Variants in PDZD2 observed in about 807,000 individuals in gnomAD.
PDZD2 encodes PDZ domain containing 2, also known as PDZ domain-containing protein 2.
In PDZD2, 90 loss-of-function variants were observed where a neutral mutation model predicts 220.7. That is an observed-to-expected ratio of 0.41 (90% CI 0.34 to 0.49). PDZD2 has a LOEUF of 0.49. Among genes scored for constraint, PDZD2 ranks in the 20% least tolerant of loss-of-function variants. The pLI is 0.28. For synonymous variants in PDZD2, 1,375 were observed against 1,450.5 expected, an observed-to-expected ratio of 0.95 and a Z score of 1.18; for missense variants, 3,174 against 3,608.5, an observed-to-expected ratio of 0.88 and a Z score of 3.08.
intron 6 of PDZD2, among the ~76,000 whole-genome samples, chr5:32,018,186 C>T (rs1753918613): frequency 6.6e-6 from 1 of 152,166 alleles, no homozygotes; most frequent in East Asian, 1.9e-4. Flanking sequence ...CTCCTGCATC[C>T]GGCTCATGTG....
At chr5:31,924,773 T>TA (rs1240923891) in intron 2 of PDZD2, among the ~76,000 whole-genome samples, 1 of 152,240 alleles carries the variant, frequency 6.6e-6, no homozygotes, top group Non-Finnish European at 1.5e-5. Context: ...ATTGATTTCT[T>TA]AGAGCTCCCA....
intron 1 of PDZD2, among the ~76,000 whole-genome samples, chr5:31,662,881 T>C (rs1469254044): frequency 2.8e-4 from 43 of 152,310 alleles, no homozygotes; most frequent in South Asian, 1.2e-3. Flanking sequence ...CCACCCGCTG[T>C]GGCCTCCCAA....
intron 1 of PDZD2, among the ~76,000 whole-genome samples, chr5:31,681,606 CGTAT>C (rs930616426): frequency 7.9e-5 from 12 of 151,720 alleles, no homozygotes; most frequent in African/African-American, 2.7e-4. Flanking sequence ...ATAATATGTG[CGTAT>C]GTGTCTATGT....
In PDZD2 at chr5:31,917,773, C is replaced by T. The variant is rs149722765; in HGVS notation, c.477-65382C>T. ...TTTTATTTTTTAGAGACAGAGTCTT[C>T]GCTCTGTCGCCCAGGCTGGAGTGCA... is the stretch of plus-strand genomic sequence containing the variant. On this transcript the variant is annotated intron_variant, in intron 2 of 24. Coordinates refer to ENST00000438447, the MANE Select transcript of PDZD2 (RefSeq NM_178140.4). Among the ~76,000 whole-genome samples, 592 of 152,194 alleles carry T rather than the reference C, an allele frequency of 3.9e-3. 3 individuals carry two copies. The highest frequency in any genetic ancestry group is 0.013 in the African/African-American group (542 of 41,528).
At chr5:32,033,870 C>T (rs1401504718) in intron 6 of PDZD2, among the ~76,000 whole-genome samples, 1 of 152,124 alleles carries the variant, frequency 6.6e-6, no homozygotes, top group Admixed American at 6.5e-5. Context: ...CTGCCCACCT[C>T]GGCCTTCCAG....
At chr5:31,891,388 C>T (rs1235941636) in intron 2 of PDZD2, among the ~76,000 whole-genome samples, 1 of 151,966 alleles carries the variant, frequency 6.6e-6, no homozygotes, top group Non-Finnish European at 1.5e-5. Context: ...ATGGTCTCGG[C>T]TCACCGCAAC....
chr5:32,086,505 G>C (rs972580957), intron 19 of PDZD2, among the ~76,000 whole-genome samples: 1 of 152,154 alleles, frequency 6.6e-6, no homozygotes, highest in African/African-American at 2.4e-5. Context: ...CCAAAAGAGA[G>C]AAAAATGGGC....
chr5:31,716,523 C>A (rs1748453299), intron 1 of PDZD2, among the ~76,000 whole-genome samples: 2 of 152,158 alleles, frequency 1.3e-5, no homozygotes, highest in Admixed American at 6.5e-5. Context: ...TTGTTGTAGG[C>A]CAGGCGCGGT....
intron 2 of PDZD2, among the ~76,000 whole-genome samples, chr5:31,857,960 G>C (rs185629870): frequency 6.6e-6 from 1 of 151,984 alleles, no homozygotes; most frequent in Non-Finnish European, 1.5e-5. Flanking sequence ...CGAGTAATTC[G>C]GACTACAGGC....
intron 2 of PDZD2, among the ~76,000 whole-genome samples, chr5:31,873,152 A>G (rs1297503407): frequency 6.6e-6 from 1 of 152,090 alleles, no homozygotes; most frequent in Non-Finnish European, 1.5e-5. Flanking sequence ...CCTGAGAGCA[A>G]TTGAGATTTA....
chr5:31,825,717 TG>T (rs1335959303), intron 2 of PDZD2, among the ~76,000 whole-genome samples: 1 of 152,190 alleles, frequency 6.6e-6, no homozygotes, highest in Non-Finnish European at 1.5e-5. Context: ...TCCACGGTAG[TG>T]AGCACTACAC....
At chr5:32,043,222 C>T (rs999111092) in intron 7 of PDZD2, among the ~76,000 whole-genome samples, 2 of 152,338 alleles carry the variant, frequency 1.3e-5, no homozygotes, top group African/African-American at 4.8e-5. Flanking sequence ...GAACAAGTGG[C>T]ATATTTGGCT....
chr5:31,857,898 C>T (rs1421321769), intron 2 of PDZD2, among the ~76,000 whole-genome samples: 1 of 152,150 alleles, frequency 6.6e-6, no homozygotes, highest in Non-Finnish European at 1.5e-5. Flanking sequence ...GCGATCTCAG[C>T]TCACTGCAAC....
intron 1 of PDZD2, among the ~76,000 whole-genome samples, chr5:31,752,069 G>GTTTTGT (rs1491302993): frequency 1.0e-5 from 1 of 95,848 alleles, no homozygotes; most frequent in African/African-American, 4.4e-5. Flanking sequence ...ATTGTTTTGG[G>GTTTTGT]TTTGTTTTTT....
At chr5:31,758,567 C>G (rs1751437684) in intron 1 of PDZD2, among the ~76,000 whole-genome samples, 1 of 152,200 alleles carries the variant, frequency 6.6e-6, no homozygotes, top group Non-Finnish European at 1.5e-5. Context: ...AGATTCTACT[C>G]TCACGCTCGG....
At chr5:31,752,013 G>A (rs865938141) in intron 1 of PDZD2, among the ~76,000 whole-genome samples, 16 of 146,682 alleles carry the variant, frequency 1.1e-4, no homozygotes, top group Middle Eastern at 7.4e-3. Flanking sequence ...ATTTTCTCTC[G>A]AGCAGATTTC....
chr5:31,746,727 C>G (rs1279730044), intron 1 of PDZD2, among the ~76,000 whole-genome samples: 1 of 152,042 alleles, frequency 6.6e-6, no homozygotes, highest in African/African-American at 2.4e-5. Flanking sequence ...GGCTTTTCCA[C>G]TGTGCTCTGC....
intron 1 of PDZD2, among the ~76,000 whole-genome samples, chr5:31,679,237 T>C (rs16901423): frequency 0.18 from 28,012 of 152,296 alleles, 2,714 homozygotes; most frequent in South Asian, 0.26. Flanking sequence ...CCATGCTGGA[T>C]TGGCACAGAT....
chr5:31,895,971 C>T (rs2150352932), intron 2 of PDZD2, among the ~76,000 whole-genome samples: 1 of 152,284 alleles, frequency 6.6e-6, no homozygotes, highest in Middle Eastern at 3.4e-3. Flanking sequence ...GTAACCCCCC[C>T]AGCCACACTA....
Sources: gnomAD v4.1 joint callset for allele counts (sites outside exome capture counted in the v4.1 genomes callset) on GRCh38, gnomAD v4.1.1 for gene constraint, MANE v1.5 for transcripts, NCBI Gene and HGNC (gene_info 2026-07-23, HGNC 2026-07-21) for gene names.